The following COL7A1 variants were observed in gnomAD, a reference collection of about 807,000 sequenced individuals.
COL7A1 encodes the protein collagen alpha-1(VII) chain.
In COL7A1, 296 loss-of-function variants were observed where a neutral mutation model predicts 456.2. The ratio of observed to expected loss-of-function variants is 0.65; its 90% CI spans 0.59 to 0.71. The LOEUF (loss-of-function observed/expected upper bound fraction) is 0.71, where lower values mean the gene tolerates loss of function less well. Among genes scored for constraint, COL7A1 ranks in the 30% least tolerant of loss-of-function variants. COL7A1 has a pLI of 0.00. For missense variants in COL7A1, 3,441 were observed against 4,017.2 expected (o/e 0.86, Z 3.88); for synonymous variants, 1,464 against 1,525.9 (o/e 0.96, Z 0.95).
At position 48,571,145 on chromosome 3, in the gene COL7A1, C is replaced by T. The variant is rs181430415; in HGVS notation, c.7120G>A (p.Gly2374Arg). Residue 2374 changes from glycine to arginine, a missense_variant, in exon 94 of 119, where the codon GGG (glycine) becomes AGG (arginine). Around this residue, in one of 3 missense-constraint regions of COL7A1, gnomAD observed 2,084 missense variants for 2,501.3 expected, o/e 0.83. Coordinates refer to ENST00000681320, the MANE Select transcript of COL7A1 (RefSeq NM_000094.4). This position sits in a 1 kb window ranked among gnomAD's most constrained non-coding sequence, Gnocchi z 4.6. The stretch of plus-strand genomic sequence containing the variant: ...GGAGGCCCAGGGGAGCCCGGGACCC[C>T]GACTCCTGGGTCACCCTTTGAGGAA... ...PKGFKGDPGVGVPGSPGPPGP... is the reference protein window; with the variant it reads ...PKGFKGDPGVRVPGSPGPPGP... 121 of 1,614,018 alleles carry T rather than the reference C, an allele frequency of 7.5e-5. No individual in the cohort carries two copies. Among genetic ancestry groups the T allele is most frequent in the Admixed American group, 3.0e-4 (18 of 60,014 alleles).
Position 48,588,695 on chromosome 3 carries a change from G to A in COL7A1, c.2534C>T (p.Thr845Ile). 1 of 1,613,896 alleles carries A rather than the reference G, an allele frequency of 6.2e-7. No homozygotes were observed. The highest frequency in any genetic ancestry group is 8.5e-7 in the Non-Finnish European group (1 of 1,180,044). ...GCCCTCGCGGTCCCCGACAAGTGCAGTCACTCGCACTGAGTAGCTGACTCC... is the reference window on the plus strand; with the variant it reads ...GCCCTCGCGGTCCCCGACAAGTGCAATCACTCGCACTGAGTAGCTGACTCC... ...EGGVSYSVRV[T>I]ALVGDREGTP... The change falls in exon 20 of 119, where the codon ACT (threonine) becomes ATT (isoleucine). Residue 845 changes from threonine to isoleucine, a missense_variant. Thr to Ile is a moderately conservative substitution (Grantham distance 89). This residue lies in a region of COL7A1 where 444 missense variants were observed against 427.6 expected (regional missense o/e 1.04). Transcript: ENST00000681320. The surrounding 1 kb of genome is among the most constrained non-coding windows in gnomAD (Gnocchi z 4.6).
rs766709076 is a variant in COL7A1, at chr3:48,579,396, T to C, written c.5280A>G (p.Pro1760=). The change falls in exon 61 of 119, where the codon CCA becomes CCG. Residue 1760 remains proline, a synonymous_variant. Coordinates refer to ENST00000681320, the MANE Select transcript of COL7A1 (RefSeq NM_000094.4). This position sits in a 1 kb window ranked among gnomAD's most constrained non-coding sequence, Gnocchi z 4.4. ...TTTCTCCTGCTGGGCCTCGGACACCTGGGTCCCCCTGGAGGGAACAGGGTC... is the reference window on the plus strand; with the variant it reads ...TTTCTCCTGCTGGGCCTCGGACACCCGGGTCCCCCTGGAGGGAACAGGGTC... The part of the protein sequence containing the change: ...FRGPPGPQGD[P]GVRGPAGEKG... 5 of 1,614,054 alleles carry C rather than the reference T, an allele frequency of 3.1e-6. No individual in the cohort carries two copies. The highest frequency in any genetic ancestry group is 4.2e-6 in the Non-Finnish European group (5 of 1,180,032).
rs776289979 is a variant in COL7A1, at chr3:48,568,578, C to G, written c.7759-44G>C. 1 of 1,588,300 alleles carries G rather than the reference C, an allele frequency of 6.3e-7. No homozygotes were observed. The highest frequency in any genetic ancestry group is 8.6e-7 in the Non-Finnish European group (1 of 1,163,720). On this transcript the variant is annotated intron_variant, in intron 104 of 118. Coordinates refer to ENST00000681320, the MANE Select transcript of COL7A1 (RefSeq NM_000094.4). The surrounding 1 kb of genome is among the most constrained non-coding windows in gnomAD (Gnocchi z 5.2). ...GGGGAGCCCTTCAGTGGGACTGTCC[C>G]CAACACTGGCCCATCCGCTGCATGT...
chr3:48,587,597 G>A lies in COL7A1; in HGVS notation c.2858-43C>T, dbSNP rs373341811. The A allele has an allele frequency of 4.4e-4, 706 of 1,613,012 alleles. 10 individuals carry two copies. The Admixed American group carries it at 0.011, about 26-fold the overall frequency. On this transcript the variant is annotated intron_variant, in intron 22 of 118. Coordinates refer to ENST00000681320, the MANE Select transcript of COL7A1 (RefSeq NM_000094.4). This position sits in a 1 kb window ranked among gnomAD's most constrained non-coding sequence, Gnocchi z 6.1. The stretch of plus-strand genomic sequence containing the variant: ...GATCGAGGATCAGAGGCTGAGTCCT[G>A]AGAACCCAGAAGGGAGAGATCTGAG...
Position 48,592,423 on chromosome 3 carries a change from G to C in COL7A1, c.1021C>G (p.His341Asp). The C allele has an allele frequency of 6.2e-7, 1 of 1,613,818 alleles. No individual in the cohort carries two copies. The highest frequency in any genetic ancestry group is 8.5e-7 in the Non-Finnish European group (1 of 1,180,042). ...PELTIQNTTA[H>D]SLLVAWRSVP... is the part of the protein sequence containing the mutation. ...CTCCGCCAGGCCACCAGGAGGCTGT[G>C]GGCTGTGGTATTCTGGATGGTCAGT... is the stretch of plus-strand genomic sequence containing the variant. Residue 341 changes from histidine (H) to aspartate (D), a missense_variant, in exon 9 of 119, where the codon CAC becomes GAC. Around this residue, in one of 3 missense-constraint regions of COL7A1, gnomAD observed 913 missense variants for 1,088.2 expected, o/e 0.84. Coordinates refer to ENST00000681320, the MANE Select transcript of COL7A1 (RefSeq NM_000094.4). This position sits in a 1 kb window ranked among gnomAD's most constrained non-coding sequence, Gnocchi z 7.6.
intron 44 of COL7A1, 61 bp from the exon 45 acceptor site, chr3:48,582,714 G>T: frequency 6.3e-7 from 1 of 1,579,748 alleles, no homozygotes. Flanking sequence ...TGGACAGACA[G>T]GGCTAGAGGC....
In COL7A1 at chr3:48,590,718, C is replaced by A; in HGVS notation, c.1735G>T (p.Val579Leu). Residue 579 changes from valine to leucine, a missense_variant, in exon 14 of 119, where the codon GTG (valine) becomes TTG (leucine). Physicochemically the swap from Val to Leu is conservative, Grantham distance 32. This residue lies in a region of COL7A1 where 913 missense variants were observed against 1,088.2 expected (regional missense o/e 0.84). Coordinates refer to ENST00000681320, the MANE Select transcript of COL7A1 (RefSeq NM_000094.4). This position sits in a 1 kb window ranked among gnomAD's most constrained non-coding sequence, Gnocchi z 4.6. ...CTGGCACTGCCCTCACGGGGACCCA[C>A]TCGAGCAGACACCCGCACAGTGTAG... ...LSYTVRVSAR[V>L]GPREGSASVL... 1.9e-6 allele frequency: 3 copies of A among 1,614,054 alleles called. No individual in the cohort carries two copies. In the South Asian group the frequency reaches 3.3e-5, roughly 18 times the overall value.
At position 48,575,282 on chromosome 3, in the gene COL7A1, G is replaced by A. The variant is rs1233410595; in HGVS notation, c.6181-40C>T. Reference sequence around the variant, plus strand: ...GCGGGTGAGGGCCAAGCCCATGGGGGGTCCCACCCCTCCCAACCCCTCTTC... The same window carrying A: ...GCGGGTGAGGGCCAAGCCCATGGGGAGTCCCACCCCTCCCAACCCCTCTTC... On this transcript the variant is annotated intron_variant, in intron 74 of 118. Coordinates refer to ENST00000681320, the MANE Select transcript of COL7A1 (RefSeq NM_000094.4). This position sits in a 1 kb window ranked among gnomAD's most constrained non-coding sequence, Gnocchi z 6.3. The A allele has an allele frequency of 6.2e-7, 1 of 1,613,718 alleles. No homozygotes were observed. The highest frequency in any genetic ancestry group is 8.5e-7 in the Non-Finnish European group (1 of 1,179,880).
chr3:48,574,189 G>A lies in COL7A1; in HGVS notation c.6501+73C>T. The A allele has an allele frequency of 6.4e-7, 1 of 1,554,730 alleles. No individual in the cohort carries two copies. On this transcript the variant is annotated intron_variant, in intron 80 of 118. Coordinates refer to ENST00000681320, the MANE Select transcript of COL7A1 (RefSeq NM_000094.4). The surrounding 1 kb of genome is among the most constrained non-coding windows in gnomAD (Gnocchi z 5.0). ...CACACAAACACACACACACAGACAT[G>A]CACACACACAGCAGCAGCAGCACCT...
chr3:48,575,007 C>G lies in COL7A1; in HGVS notation c.6279+57G>C, dbSNP rs2044190068. ...CACTACCATATTTCTGGGGACCAAG[C>G]TAAGGGTGGCTTCCTGGTCACTAGT... is the stretch of plus-strand genomic sequence containing the variant. On this transcript the variant is annotated intron_variant, in intron 76 of 118. Coordinates refer to ENST00000681320, the MANE Select transcript of COL7A1 (RefSeq NM_000094.4). This position sits in a 1 kb window ranked among gnomAD's most constrained non-coding sequence, Gnocchi z 6.3. The G allele has an allele frequency of 5.7e-6, 9 of 1,586,478 alleles. No individual in the cohort carries two copies. Among genetic ancestry groups the G allele is most frequent in the Middle Eastern group, 1.7e-4 (1 of 6,020 alleles).
rs373292451 is a variant in COL7A1, at chr3:48,564,745, C to T, written c.8818+38G>A. On this transcript the variant is annotated intron_variant, in intron 118 of 118. Transcript: ENST00000681320. The surrounding 1 kb of genome is among the most constrained non-coding windows in gnomAD (Gnocchi z 6.0). Reference sequence around the variant, plus strand: ...CCCCAGAACCCGATCCAGGCAGGCTCAGTGCCCAGTTCCCCACGGTGGGGG... The same window carrying T: ...CCCCAGAACCCGATCCAGGCAGGCTTAGTGCCCAGTTCCCCACGGTGGGGG... 427 of 1,600,280 alleles carry T rather than the reference C, an allele frequency of 2.7e-4. No homozygotes were observed. Among genetic ancestry groups the T allele is most frequent in the Non-Finnish European group, 3.6e-4 (419 of 1,171,466 alleles).
At position 48,576,911 on chromosome 3, in the gene COL7A1, T is replaced by C. The variant is rs778146776; in HGVS notation, c.5577A>G (p.Lys1859=). The C allele has an allele frequency of 1.4e-5, 23 of 1,613,992 alleles. No individual in the cohort carries two copies. The highest frequency in any genetic ancestry group is 1.3e-4 in the South Asian group (12 of 91,084). Residue 1859 remains lysine, a synonymous_variant, in exon 67 of 119, where the codon AAA becomes AAG. Transcript: ENST00000681320. The part of the protein sequence containing the change: ...DPGEDGRKGE[K]GDSGASGREG... ...CTCTCCCAGAGGCGCCTGAATCTCC[T>C]TTCTCTCCCTAAGGAAGACAAGGAT...
chr3:48,570,515 G>A lies in COL7A1; in HGVS notation c.7345-15C>T, dbSNP rs531381561. On this transcript the variant is annotated splice_polypyrimidine_tract_variant and intron_variant, in intron 96 of 118. Coordinates refer to ENST00000681320, the MANE Select transcript of COL7A1 (RefSeq NM_000094.4). This position sits in a 1 kb window ranked among gnomAD's most constrained non-coding sequence, Gnocchi z 5.5. The stretch of plus-strand genomic sequence containing the variant: ...CCAGGTGGTCCCTGTAGGTCAGAGT[G>A]AGGTGAGGGTCCTGTGGCTCTCAAA... The A allele has an allele frequency of 6.2e-7, 1 of 1,614,044 alleles. No homozygotes were observed. The highest frequency in any genetic ancestry group is 1.1e-5 in the South Asian group (1 of 91,082).
intron 34 of COL7A1, 41 bp downstream of exon 34, chr3:48,584,869 T>C: frequency 6.2e-7 from 1 of 1,613,820 alleles, no homozygotes; most frequent in Non-Finnish European, 8.5e-7. Context: ...GGAAGAACCC[T>C]GGGAAGACAC....
rs1208081393 is a variant in COL7A1 at position 48,576,878 on chromosome 3, A to G, written c.5604+6T>C. The G allele has an allele frequency of 5.0e-6, 8 of 1,613,786 alleles. No homozygotes were observed. Among genetic ancestry groups the G allele is most frequent in the Non-Finnish European group, 6.8e-6 (8 of 1,179,954 alleles). The stretch of plus-strand genomic sequence containing the variant: ...GTCAGAGGTTGCAGAAAACTCCAAT[A>G]CTCACTTCTCTCCCAGAGGCGCCTG... On this transcript the variant is annotated splice_donor_region_variant and intron_variant, in intron 67 of 118. Coordinates refer to ENST00000681320, the MANE Select transcript of COL7A1 (RefSeq NM_000094.4).
In COL7A1 at chr3:48,591,683, C is replaced by T; in HGVS notation, c.1497G>A (p.Val499=). The change falls in exon 12 of 119, where the codon GTG becomes GTA. Residue 499 remains valine, a synonymous_variant. Transcript: ENST00000681320. This position sits in a 1 kb window ranked among gnomAD's most constrained non-coding sequence, Gnocchi z 7.0. ...EGHEVATPAT[V]VPTGPELPVS... ...CCACAGAGCCCTCACCAGTGGGAAC[C>T]ACGGTTGCAGGGGTGGCCACCTCGT... 6.2e-7 allele frequency: 1 copy of T among 1,614,116 alleles called. No homozygotes were observed. Among genetic ancestry groups the T allele is most frequent in the Non-Finnish European group, 8.5e-7 (1 of 1,180,016 alleles).
Position 48,579,087 on chromosome 3 carries a change from C to A in COL7A1, c.5388+110G>T. The A allele has an allele frequency of 6.4e-7, 1 of 1,555,692 alleles. No individual in the cohort carries two copies. The highest frequency in any genetic ancestry group is 1.7e-5 in the Admixed American group (1 of 59,822). On this transcript the variant is annotated intron_variant, in intron 62 of 118. Coordinates refer to ENST00000681320, the MANE Select transcript of COL7A1 (RefSeq NM_000094.4). This position sits in a 1 kb window ranked among gnomAD's most constrained non-coding sequence, Gnocchi z 4.4. ...CTGGGAGAAGACACAGACAACAGGT[C>A]TCGCCCCAGAGCTCGTCAAGGCCAA...
rs1463356081 is a variant in COL7A1 at position 48,594,581 on chromosome 3, T to C, written c.86-33A>G. On this transcript the variant is annotated intron_variant, in intron 2 of 118. Coordinates refer to ENST00000681320, the MANE Select transcript of COL7A1 (RefSeq NM_000094.4). This position sits in a 1 kb window ranked among gnomAD's most constrained non-coding sequence, Gnocchi z 5.5. The stretch of plus-strand genomic sequence containing the variant: ...GGGCAGGAGAGATCAGGGCCTCTTC[T>C]GGGAGGCCAACCACCCGCCTACCCG... 3.2e-6 allele frequency: 5 copies of C among 1,549,512 alleles called. No individual in the cohort carries two copies. The East Asian group carries it at 9.7e-5, about 30-fold the overall frequency.
rs1209617628 is a variant in COL7A1 at position 48,593,599 on chromosome 3, C to T, written c.364G>A (p.Ala122Thr). The change falls in exon 4 of 119, where the codon GCA becomes ACA. Residue 122 changes from alanine (A) to threonine (T), a missense_variant. Around this residue, in one of 3 missense-constraint regions of COL7A1, gnomAD observed 913 missense variants for 1,088.2 expected, o/e 0.84. Transcript: ENST00000681320. The surrounding 1 kb of genome is among the most constrained non-coding windows in gnomAD (Gnocchi z 4.4). Reference protein sequence around the residue: ...YKGGNTRTGAAILHVADHVFL... With the variant: ...YKGGNTRTGATILHVADHVFL... Reference sequence around the variant, plus strand: ...ACATGGTCAGCCACATGGAGAATTGCAGCCCCTGTGCGAGTGTTGCCCCCC... The same window carrying T: ...ACATGGTCAGCCACATGGAGAATTGTAGCCCCTGTGCGAGTGTTGCCCCCC... 3.7e-6 allele frequency: 6 copies of T among 1,614,216 alleles called. No homozygotes were observed. The South Asian group carries it at 4.4e-5, about 12-fold the overall frequency.
Sources: allele counts gnomAD v4.1 joint callset, GRCh38; gene constraint gnomAD v4.1.1; regional missense constraint gnomAD v4.1.1; non-coding constraint Gnocchi (gnomAD v3.1); transcripts MANE v1.5; gene names NCBI Gene and HGNC (gene_info 2026-07-23, HGNC 2026-07-21).